The following ORC6 variants were observed in gnomAD, a reference collection of about 807,000 sequenced individuals.
ORC6 encodes the protein origin recognition complex subunit 6, also known as origin recognition complex, subunit 6 homolog-like (yeast).
In ORC6, 31 loss-of-function variants were observed where a neutral mutation model predicts 30.0. The observed-to-expected ratio is 1.03, with a 90% CI of 0.78 to 1.40. The LOEUF (loss-of-function observed/expected upper bound fraction) is 1.40, where lower values mean the gene tolerates loss of function less well. Ranked by LOEUF, ORC6 falls within the 40% of genes most tolerant of loss-of-function variation. ORC6 has a pLI of 0.00. For synonymous variants in ORC6, 136 were observed against 111.2 expected (o/e 1.22, Z -1.40); for missense variants, 340 against 304.3 (o/e 1.12, Z -0.87).
chr16:46,693,478 C>A (rs1966473401), intron 4 of ORC6: 1 of 460,114 alleles, frequency 2.2e-6, no homozygotes, highest in African/African-American at 2.0e-5. Context: ...ACAGTCTTCA[C>A]ATGTGATTTT....
chr16:46,695,520 G>A lies in ORC6; in HGVS notation c.450-42G>A, dbSNP rs774694875. On this transcript the variant is annotated intron_variant, in intron 4 of 6. Transcript: ENST00000219097. ...ATCTGGTTGCCCAGAGAAGAAAACT[G>A]TACAGGTCTTGAGAAAAGCAACTTA... is the stretch of plus-strand genomic sequence containing the variant. 4.1e-6 allele frequency: 5 copies of A among 1,209,312 alleles called. No homozygotes were observed. The Admixed American group carries it at 6.8e-5, about 16-fold the overall frequency. The allele number at this position is 1,209,312 out of a possible 1,614,324, so 74.9% of individuals were successfully genotyped here.
chr16:46,689,891 G>C, intron 1 of ORC6, 121 bp downstream of exon 1: 2 of 1,417,134 alleles, frequency 1.4e-6, no homozygotes, highest in Non-Finnish European at 1.8e-6. Flanking sequence ...CGCTGGGGCC[G>C]GGCGGGGTTT....
rs1222792057 is a variant in ORC6 at position 46,698,202 on chromosome 16, T to TA, written c.*618dup. ...ATAGATGGATAGATAGATAGATAGA[T>TA]AGATAGATAGATAAACGGAATTGGA... On this transcript the variant is annotated 3_prime_UTR_variant, in exon 7 of 7. Transcript: ENST00000219097. 1 of 454,920 alleles carries TA rather than the reference T, an allele frequency of 2.2e-6. No individual in the cohort carries two copies. The highest frequency in any genetic ancestry group is 4.4e-6 in the Non-Finnish European group (1 of 226,410). 28.2% of individuals were successfully genotyped at this position (454,920 alleles called of 1,614,324 possible).
At chr16:46,696,404 G>T (rs1418430830) in intron 6 of ORC6, among the ~76,000 whole-genome samples, 2 of 152,192 alleles carry the variant, frequency 1.3e-5, no homozygotes, top group Non-Finnish European at 2.9e-5. Context: ...ACCTGGGCAT[G>T]GTCTGATGGG....
Position 46,697,848 on chromosome 16 carries a change from C to A in ORC6, c.*263C>A, listed in dbSNP as rs1451171855. On this transcript the variant is annotated 3_prime_UTR_variant, in exon 7 of 7. Coordinates refer to ENST00000219097, the MANE Select transcript of ORC6 (RefSeq NM_014321.4). ...TGGAATTGGAGGCCGGGCGCAGTGGCTCACGCCTGTAATCCCAGCACTTTG... is the reference window on the plus strand; with the variant it reads ...TGGAATTGGAGGCCGGGCGCAGTGGATCACGCCTGTAATCCCAGCACTTTG... The A allele has an allele frequency of 1.9e-6, 1 of 525,118 alleles. No individual in the cohort carries two copies. The highest frequency in any genetic ancestry group is 3.6e-6 in the Non-Finnish European group (1 of 274,168). The allele number at this position is 525,118 out of a possible 1,614,324, so 32.5% of individuals were successfully genotyped here. A position where few individuals can be genotyped will look rare whatever the true frequency, so the allele number is the denominator to read the frequency against.
In ORC6 at chr16:46,691,078, C is replaced by T. The variant is rs1189310724; in HGVS notation, c.153C>T (p.Cys51=). The part of the protein sequence containing the change: ...RTTETSSAVM[C]LDLAASWMKC... Reference sequence around the variant, plus strand: ...CGGAGACCAGCAGTGCAGTCATGTGCCTGGACCTTGCAGCTTCCTGGATGA... The same window carrying T: ...CGGAGACCAGCAGTGCAGTCATGTGTCTGGACCTTGCAGCTTCCTGGATGA... The change falls in exon 2 of 7, where the codon TGC becomes TGT. Residue 51 remains cysteine (C), a synonymous_variant. Transcript: ENST00000219097. The T allele has an allele frequency of 3.7e-6, 6 of 1,614,044 alleles. No homozygotes were observed. In the Admixed American group the frequency reaches 8.3e-5, roughly 22 times the overall value.
At chr16:46,693,512 A>G (rs1324786013) in intron 4 of ORC6, 5 of 376,280 alleles carry the variant, frequency 1.3e-5, no homozygotes, top group African/African-American at 2.1e-5. Context: ...TTTAAAAAGT[A>G]CTGGTTGGGC....
intron 2 of ORC6, among the ~76,000 whole-genome samples, chr16:46,691,958 A>ACACACCCTCTCTCTCTCTCTCTCT: frequency 8.2e-5 from 3 of 36,664 alleles, no homozygotes; most frequent in Non-Finnish European, 1.5e-4. Flanking sequence ...ACACACACAC[A>ACACACCCTCTCTCTCTCTCTCTCT]CTCTCTCTCT....
chr16:46,694,853 T>G (rs1330976988), intron 4 of ORC6: 1 of 152,214 alleles, frequency 6.6e-6, no homozygotes, highest in Non-Finnish European at 1.5e-5. Flanking sequence ...GCCAGAAAAC[T>G]CCTTAGAAAA....
At chr16:46,693,676 C>T (rs1358646551) in intron 4 of ORC6, 1 of 165,510 alleles carries the variant, frequency 6.0e-6, no homozygotes, top group Admixed American at 5.9e-5. Flanking sequence ...CAGCACATGC[C>T]TCCAGTCCTG....
intron 1 of ORC6, among the ~76,000 whole-genome samples, chr16:46,690,189 C>T (rs1250036424): frequency 6.6e-6 from 1 of 152,204 alleles, no homozygotes; most frequent in East Asian, 1.9e-4. Context: ...TGGAGCGCGG[C>T]CTAGCGGCTG....
rs142697731 is a variant in ORC6, at chr16:46,692,509, T to C, written c.323T>C (p.Ile108Thr). The change falls in exon 3 of 7, where the codon ATA becomes ACA. Residue 108 changes from isoleucine to threonine, a missense_variant. By Grantham distance (89) the Ile-to-Thr change is moderately conservative (BLOSUM62 -1). Coordinates refer to ENST00000219097, the MANE Select transcript of ORC6 (RefSeq NM_014321.4). ...GACCTAGCTGTACAGTTTAGCTGTATAGAAGCAGTGAACATGGCTTCAAAG... is the reference window on the plus strand; with the variant it reads ...GACCTAGCTGTACAGTTTAGCTGTACAGAAGCAGTGAACATGGCTTCAAAG... ...IRDLAVQFSC[I>T]EAVNMASKIL... 86 of 1,613,806 alleles carry C rather than the reference T, an allele frequency of 5.3e-5. No homozygotes were observed. The African/African-American group carries it at 8.7e-4, about 16-fold the overall frequency.
chr16:46,694,860 A>G (rs1324311229), intron 4 of ORC6: 1 of 152,262 alleles, frequency 6.6e-6, no homozygotes, highest in African/African-American at 2.4e-5. Context: ...AACTCCTTAG[A>G]AAACAAAATG....
At chr16:46,691,254 A>G (rs774744491) in intron 2 of ORC6, 134 bp downstream of exon 2, 6 of 854,534 alleles carry the variant, frequency 7.0e-6, no homozygotes, top group Non-Finnish European at 1.2e-5. Context: ...TATTCTGGAA[A>G]TACTGTAGAA....
At position 46,689,867 on chromosome 16, in the gene ORC6, G is replaced by A. The variant is rs780490878; in HGVS notation, c.65+97G>A. 2.8e-6 allele frequency: 4 copies of A among 1,445,450 alleles called. No homozygotes were observed. The South Asian group carries it at 5.7e-5, about 20-fold the overall frequency. The allele number at this position is 1,445,450 out of a possible 1,614,324, so 89.5% of individuals were successfully genotyped here. A position where few individuals can be genotyped will look rare whatever the true frequency, so the allele number is the denominator to read the frequency against. ...CCCTTCCCAGGCGACGGGCGGCGGG[G>A]GAGTGACGGGGAGCGCTGGGGCCGG... On this transcript the variant is annotated intron_variant, in intron 1 of 6. Coordinates refer to ENST00000219097, the MANE Select transcript of ORC6 (RefSeq NM_014321.4).
chr16:46,691,088 G>T lies in ORC6; in HGVS notation c.163G>T (p.Ala55Ser), dbSNP rs761865386. Reference sequence around the variant, plus strand: ...CAGTGCAGTCATGTGCCTGGACCTTGCAGCTTCCTGGATGAAGTGCCCCTT... The same window carrying T: ...CAGTGCAGTCATGTGCCTGGACCTTTCAGCTTCCTGGATGAAGTGCCCCTT... ...TSSAVMCLDL[A>S]ASWMKCPLDR... The change falls in exon 2 of 7, where the codon GCA becomes TCA. Residue 55 changes from alanine to serine, a missense_variant. By Grantham distance (99) the Ala-to-Ser change is moderately conservative (BLOSUM62 1). Coordinates refer to ENST00000219097, the MANE Select transcript of ORC6 (RefSeq NM_014321.4). The T allele has an allele frequency of 4.3e-6, 7 of 1,614,088 alleles. No homozygotes were observed. Among genetic ancestry groups the T allele is most frequent in the Non-Finnish European group, 5.9e-6 (7 of 1,180,022 alleles).
chr16:46,692,334 T>G (rs1451035568), intron 2 of ORC6, 48 bp from the exon 3 acceptor site: 1 of 1,502,222 alleles, frequency 6.7e-7, no homozygotes, highest in Admixed American at 1.7e-5. Flanking sequence ...TACTAATATA[T>G]AGAACTTAAG....
In ORC6 at chr16:46,692,383, C is replaced by T; in HGVS notation, c.197C>T (p.Ala66Val). Reference protein sequence around the residue: ...ASWMKCPLDRAYLIKLSGLNK... With the variant: ...ASWMKCPLDRVYLIKLSGLNK... ...GTGTATGTGTTTTTCCTTTCACAGGCTTATTTAATTAAACTTTCTGGTTTG... is the reference window on the plus strand; with the variant it reads ...GTGTATGTGTTTTTCCTTTCACAGGTTTATTTAATTAAACTTTCTGGTTTG... The change falls in exon 3 of 7, where the codon GCT becomes GTT. Residue 66 changes from alanine (A) to valine (V), a missense_variant and splice_region_variant. Transcript: ENST00000219097. 6.2e-7 allele frequency: 1 copy of T among 1,612,184 alleles called. No homozygotes were observed. Among genetic ancestry groups the T allele is most frequent in the Non-Finnish European group, 8.5e-7 (1 of 1,178,542 alleles).
chr16:46,697,164 G>A (rs1966526465), intron 6 of ORC6, among the ~76,000 whole-genome samples: 2 of 152,140 alleles, frequency 1.3e-5, no homozygotes, highest in South Asian at 2.1e-4. Context: ...TGCTTGGAGT[G>A]TAAGGGAGGG....
Sources: gnomAD v4.1 joint callset for allele counts (sites outside exome capture counted in the v4.1 genomes callset) on GRCh38, gnomAD v4.1.1 for gene constraint, MANE v1.5 for transcripts, NCBI Gene and HGNC (gene_info 2026-07-23, HGNC 2026-07-21) for gene names.